The following RFX4 variants were observed in gnomAD, a reference collection of about 807,000 sequenced individuals.
RFX4 encodes transcription factor RFX4.
In RFX4, 10 loss-of-function variants were observed where a neutral mutation model predicts 95.0. That is an observed-to-expected ratio of 0.11 (90% confidence interval 0.06 to 0.18). The LOEUF is 0.18. Among genes scored for constraint, RFX4 ranks in the 10% least tolerant of loss-of-function variants. The probability of loss-of-function intolerance (pLI) is 1.00; values close to 1 mark genes in which losing one functional copy is unlikely to be tolerated. For synonymous variants in RFX4, 321 were observed against 340.7 expected, an observed-to-expected ratio of 0.94 and a Z score of 0.64; for missense variants, 640 against 922.0, an observed-to-expected ratio of 0.69 and a Z score of 3.96.
At chr12:106,630,460 C>T (rs962017293) in intron 2 of RFX4, among the ~76,000 whole-genome samples, 1 of 152,158 alleles carries the variant, frequency 6.6e-6, no homozygotes, top group Non-Finnish European at 1.5e-5. Flanking sequence ...CACGTTCCCA[C>T]GGGGAGAAGG....
At chr12:106,749,586 TCAGC>T (rs2042961473) in intron 16 of RFX4, among the ~76,000 whole-genome samples, 1 of 152,140 alleles carries the variant, frequency 6.6e-6, no homozygotes, top group Non-Finnish European at 1.5e-5. Context: ...GATTTTTGAT[TCAGC>T]AGAAATAGCA....
chr12:106,608,599 T>A (rs12297135), intron 1 of RFX4, among the ~76,000 whole-genome samples, 198 bp from the exon 2 acceptor site: 10,670 of 152,258 alleles, frequency 0.07, 828 homozygotes, highest in African/African-American at 0.19. Context: ...CTCAGCAGTC[T>A]CATCAGCAGC....
At chr12:106,596,699 T>C (rs1297913410) in intron 1 of RFX4, among the ~76,000 whole-genome samples, 1 of 152,260 alleles carries the variant, frequency 6.6e-6, no homozygotes, top group Non-Finnish European at 1.5e-5. Context: ...AGGCCACCTA[T>C]ATCTCAATTA....
chr12:106,598,576 A>C (rs1349751879), intron 1 of RFX4, among the ~76,000 whole-genome samples: 2 of 152,248 alleles, frequency 1.3e-5, no homozygotes, highest in Non-Finnish European at 2.9e-5. Context: ...GTAGACTTAC[A>C]GGAAAGAAAA....
At position 106,757,415 on chromosome 12, in the gene RFX4, G is replaced by A. The variant is rs138805163; in HGVS notation, c.1936-3782G>A. On this transcript the variant is annotated intron_variant, in intron 17 of 17. Coordinates refer to ENST00000392842, the MANE Select transcript of RFX4 (RefSeq NM_213594.3). ...ATTTAAAAATTATCTGGGAGTGGTGGCACATACCTGTAGTCCCAGCTACTT... is the reference window on the plus strand; with the variant it reads ...ATTTAAAAATTATCTGGGAGTGGTGACACATACCTGTAGTCCCAGCTACTT... 1.7e-3 allele frequency among the ~76,000 whole-genome samples: 255 copies of A among 152,162 alleles called. 2 individuals are homozygous for A. Among genetic ancestry groups the A allele is most frequent in the Middle Eastern group, 0.014 (4 of 294 alleles).
intron 2 of RFX4, among the ~76,000 whole-genome samples, chr12:106,609,431 G>A (rs2039909875): frequency 6.6e-6 from 1 of 152,176 alleles, no homozygotes; most frequent in Non-Finnish European, 1.5e-5. Flanking sequence ...TAGGCTACAT[G>A]GGACTTGTAT....
intron 15 of RFX4, chr12:106,733,375 G>A (rs1228759438): frequency 7.1e-6 from 2 of 280,172 alleles, no homozygotes; most frequent in Non-Finnish European, 1.3e-5. Context: ...ATCTCCAAAA[G>A]ATAATGCCAA....
intron 7 of RFX4, among the ~76,000 whole-genome samples, chr12:106,690,849 T>A (rs776586033): frequency 2.0e-5 from 3 of 152,150 alleles, no homozygotes; most frequent in South Asian, 2.1e-4. Context: ...GGACAGCTGT[T>A]CCTCTCTGCC....
At chr12:106,760,749 C>T (rs1432082871) in intron 17 of RFX4, among the ~76,000 whole-genome samples, 1 of 152,160 alleles carries the variant, frequency 6.6e-6, no homozygotes, top group Non-Finnish European at 1.5e-5. Context: ...GTGTTATGCT[C>T]TTGGGTTGAC....
Position 106,750,890 on chromosome 12 carries a change from C to G in RFX4, c.1935+97C>G, listed in dbSNP as rs541714223. On this transcript the variant is annotated intron_variant, in intron 17 of 17. Coordinates refer to ENST00000392842, the MANE Select transcript of RFX4 (RefSeq NM_213594.3). The stretch of plus-strand genomic sequence containing the variant: ...TAAACTGTTATGCATACTGTGTGTG[C>G]AGCGTGTGTGTCCCCAAGGAGAGGA... 45 of 1,147,184 alleles carry G rather than the reference C, an allele frequency of 3.9e-5. 1 individual carries two copies. The Admixed American group carries it at 9.7e-4, about 25-fold the overall frequency. The allele number at this position is 1,147,184 out of a possible 1,614,324, so 71.1% of individuals were successfully genotyped here.
intron 3 of RFX4, chr12:106,646,074 C>T (rs545646969): frequency 1.0e-4 from 65 of 619,428 alleles, no homozygotes; most frequent in Middle Eastern, 7.8e-4. Context: ...AGCCATTTGA[C>T]GGGCAATTTT....
At chr12:106,610,376 C>A (rs2039936783) in intron 2 of RFX4, among the ~76,000 whole-genome samples, 1 of 151,936 alleles carries the variant, frequency 6.6e-6, no homozygotes, top group Non-Finnish European at 1.5e-5. Context: ...GTACATTCAC[C>A]TTGTTGTGCA....
At chr12:106,753,855 G>A (rs2136099574) in intron 17 of RFX4, among the ~76,000 whole-genome samples, 1 of 152,296 alleles carries the variant, frequency 6.6e-6, no homozygotes, top group Admixed American at 6.5e-5. Flanking sequence ...TGCAGGCACA[G>A]GAAGCTACGG....
At chr12:106,601,206 T>C in intron 1 of RFX4, 1 of 1,541,012 alleles carries the variant, frequency 6.5e-7, no homozygotes, top group Non-Finnish European at 8.8e-7. Flanking sequence ...CCTGGGCTTC[T>C]CCAAACTCCT....
intron 1 of RFX4, chr12:106,585,707 T>C (rs187578468): frequency 6.6e-6 from 1 of 152,188 alleles, no homozygotes; most frequent in Non-Finnish European, 1.5e-5. Context: ...TCGCGCGCGA[T>C]CAGAACCAGG....
In RFX4 at chr12:106,612,739, G is replaced by A. The variant is rs143986828; in HGVS notation, c.130+3856G>A. 2.2e-3 allele frequency among the ~76,000 whole-genome samples: 336 copies of A among 152,198 alleles called. 3 individuals are homozygous for A. The highest frequency in any genetic ancestry group is 7.6e-3 in the African/African-American group (317 of 41,510). On this transcript the variant is annotated intron_variant, in intron 2 of 17. Coordinates refer to ENST00000392842, the MANE Select transcript of RFX4 (RefSeq NM_213594.3). The stretch of plus-strand genomic sequence containing the variant: ...TGTAATCCCAGCTACTTGGGAGGCT[G>A]AGGCACAAGCATAGCTTGAATCTGG...
intron 1 of RFX4, among the ~76,000 whole-genome samples, chr12:106,591,924 G>T (rs1334640225): frequency 6.6e-6 from 1 of 152,152 alleles, no homozygotes. Flanking sequence ...CATCAGACAA[G>T]GTTCAAATCC....
intron 6 of RFX4, among the ~76,000 whole-genome samples, chr12:106,687,321 G>A (rs892025156): frequency 6.6e-6 from 1 of 152,090 alleles, no homozygotes; most frequent in Non-Finnish European, 1.5e-5. Context: ...GGGAGGCTGA[G>A]GTGGGTGAAT....
At chr12:106,732,602 A>G (rs2137563271) in intron 14 of RFX4, among the ~76,000 whole-genome samples, 1 of 152,280 alleles carries the variant, frequency 6.6e-6, no homozygotes, top group Non-Finnish European at 1.5e-5. Context: ...CAGGAGGCTG[A>G]GGCACGAGAA....
Sources: gnomAD v4.1 joint callset for allele counts (sites outside exome capture counted in the v4.1 genomes callset) on GRCh38, gnomAD v4.1.1 for gene constraint, MANE v1.5 for transcripts, NCBI Gene and HGNC (gene_info 2026-07-23, HGNC 2026-07-21) for gene names.